The following POMGNT1 variants were observed in gnomAD, a reference collection of about 807,000 sequenced individuals.
POMGNT1 encodes the protein protein O-linked-mannose beta-1,2-N-acetylglucosaminyltransferase 1.
Under a neutral mutation model 95.6 loss-of-function variants are expected in POMGNT1, and 67 were observed. The observed-to-expected ratio is 0.70, with a 90% CI of 0.58 to 0.86. POMGNT1 has a LOEUF of 0.86. Ranked by LOEUF, POMGNT1 falls within the 40% of genes least tolerant of loss-of-function variation. The pLI is 0.00. For missense variants in POMGNT1, 719 were observed against 855.2 expected, an observed-to-expected ratio of 0.84 and a Z score of 1.99; for synonymous variants, 298 against 317.9, an observed-to-expected ratio of 0.94 and a Z score of 0.66.
At chr1:46,200,897 G>A (rs1571677273), upstream of POMGNT1, among the ~76,000 whole-genome samples, 2 of 152,346 alleles carry the variant, frequency 1.3e-5, no homozygotes, top group East Asian at 3.9e-4. Flanking sequence ...GGCACTTTGG[G>A]AGGCCAAGGC....
chr1:46,194,465 C>T (rs918009523), intron 8 of POMGNT1, 64 bp from the exon 9 acceptor site: 2 of 1,614,116 alleles, frequency 1.2e-6, no homozygotes, highest in Middle Eastern at 1.6e-4. Flanking sequence ...GCCCCAGGCA[C>T]ACAATCAAAG....
At chr1:46,190,832 C>G (rs928675968) in intron 17 of POMGNT1, 48 bp from the exon 18 acceptor site, 6 of 1,527,784 alleles carry the variant, frequency 3.9e-6, no homozygotes, top group Non-Finnish European at 4.5e-6. Flanking sequence ...TTGTCTGGCC[C>G]ACACCCACTT....
Position 46,192,385 on chromosome 1 carries a change from T to C in POMGNT1, c.1336A>G (p.Met446Val), listed in dbSNP as rs1268234582. The part of the protein sequence containing the change: ...DPALLYRVET[M>V]PGLGWVLRRS... ...CTGAGCACCCAGCCCAGCCCAGGCA[T>C]GGTCTCCACACGGTACAGTAGTGCT... The change falls in exon 16 of 22, where the codon ATG (methionine) becomes GTG (valine). Residue 446 changes from methionine (M) to valine (V), a missense_variant. Coordinates refer to ENST00000371984, the MANE Select transcript of POMGNT1 (RefSeq NM_017739.4). 5 of 1,614,106 alleles carry C rather than the reference T, an allele frequency of 3.1e-6. No individual in the cohort carries two copies. The African/African-American group carries it at 5.3e-5, about 17-fold the overall frequency.
chr1:46,192,033 A>G (rs1250630724), intron 17 of POMGNT1, 65 bp downstream of exon 17: 12 of 1,541,138 alleles, frequency 7.8e-6, no homozygotes, highest in Non-Finnish European at 9.8e-6. Flanking sequence ...AGATTGCTTC[A>G]GAGTCCATGT....
rs1657546272 is a variant in POMGNT1 at position 46,189,235 on chromosome 1, A to G, written c.*35T>C. ...GAAGGGCTAGCCAGCCTGGGGGTACACAGTACCCAGCCCCGCAGGGTCCTG... is the reference window on the plus strand; with the variant it reads ...GAAGGGCTAGCCAGCCTGGGGGTACGCAGTACCCAGCCCCGCAGGGTCCTG... On this transcript the variant is annotated 3_prime_UTR_variant, in exon 22 of 22. Transcript: ENST00000371984. 6.2e-7 allele frequency: 1 copy of G among 1,600,074 alleles called. No homozygotes were observed. The highest frequency in any genetic ancestry group is 1.3e-5 in the African/African-American group (1 of 74,202).
intron 1 of POMGNT1, among the ~76,000 whole-genome samples, chr1:46,213,660 C>T (rs1453793868): frequency 6.6e-6 from 1 of 152,058 alleles, no homozygotes; most frequent in Non-Finnish European, 1.5e-5. Context: ...TTTGAGGCTA[C>T]AGTGAGCTAT....
intron 1 of POMGNT1, among the ~76,000 whole-genome samples, chr1:46,204,062 G>A (rs760461492): frequency 6.6e-6 from 1 of 152,112 alleles, no homozygotes. Context: ...GCAGTGTTCC[G>A]CACAGAAAAG....
At chr1:46,202,924 T>TGTGG (rs1658589336), upstream of POMGNT1, among the ~76,000 whole-genome samples, 2 of 73,606 alleles carry the variant, frequency 2.7e-5, no homozygotes, top group Non-Finnish European at 5.1e-5. Flanking sequence ...GGGGGTGGTG[T>TGTGG]GTGTGTGTGT....
intron 1 of POMGNT1, among the ~76,000 whole-genome samples, chr1:46,206,004 G>A (rs921966636): frequency 6.6e-6 from 1 of 152,210 alleles, no homozygotes; most frequent in African/African-American, 2.4e-5. Context: ...CGTCCCTCCT[G>A]CTTTCTTCCT....
In POMGNT1 at chr1:46,192,206, CAT is replaced by C. The variant is rs1657829644; in HGVS notation, c.1429_1430del (p.Met477ValfsTer6). 1.9e-6 allele frequency: 3 copies of C among 1,614,238 alleles called. No individual in the cohort carries two copies. The highest frequency in any genetic ancestry group is 2.5e-6 in the Non-Finnish European group (3 of 1,180,040). ...GGCGTTGTTCAGGCATCCGCATCCA[CAT>C]GTCCCAATCCCAGAGCTGGCAGACA... The part of the protein sequence containing the change: ...PTPEKLWDWD[M>X]WMRMPEQRRG... On this transcript the variant is annotated frameshift_variant, in exon 17 of 22. Transcript: ENST00000371984. LOFTEE classifies it high-confidence loss of function.
chr1:46,197,892 C>T, intron 1 of POMGNT1, 21 bp from the exon 2 acceptor site: 2 of 1,607,568 alleles, frequency 1.2e-6, no homozygotes, highest in African/African-American at 1.3e-5. Context: ...CAGAGGGCCA[C>T]ATGGGGTAAG....
upstream of POMGNT1, among the ~76,000 whole-genome samples, chr1:46,200,858 C>T (rs949792012): frequency 1.3e-5 from 2 of 152,208 alleles, no homozygotes; most frequent in African/African-American, 2.4e-5. Context: ...CAAATGTTGC[C>T]GGGTTCGGTG....
At chr1:46,220,143 G>A in exon 1 of POMGNT1, 1 of 1,614,192 alleles carries the variant, frequency 6.2e-7, no homozygotes. Flanking sequence ...TGAGTCACCA[G>A]AGGATGAGAG....
At chr1:46,189,806 G>A (rs1202844704) in intron 20 of POMGNT1, 48 bp downstream of exon 20, 2 of 1,611,694 alleles carry the variant, frequency 1.2e-6, no homozygotes, top group Non-Finnish European at 1.7e-6. Context: ...GGGGCAGTAT[G>A]TGTGTGAGGG....
At chr1:46,189,755 T>C (rs1240414370) in intron 20 of POMGNT1, 99 bp downstream of exon 20, 1 of 1,579,830 alleles carries the variant, frequency 6.3e-7, no homozygotes, top group Non-Finnish European at 8.6e-7. Context: ...AAGAGGAGGT[T>C]CTGAGGTTGA....
chr1:46,220,016 A>G (rs1161234648), exon 1 of POMGNT1: 1 of 1,614,110 alleles, frequency 6.2e-7, no homozygotes, highest in Non-Finnish European at 8.5e-7. Context: ...TGGACTGGGC[A>G]AAAGTTATAG....
chr1:46,197,293 T>G (rs1306018303), intron 2 of POMGNT1: 2 of 1,496,646 alleles, frequency 1.3e-6, no homozygotes, highest in African/African-American at 2.8e-5. Flanking sequence ...CCCCCTCCAT[T>G]AGGGCCCTCC....
intron 1 of POMGNT1, among the ~76,000 whole-genome samples, chr1:46,204,928 C>T (rs1291876133): frequency 1.3e-5 from 2 of 152,214 alleles, no homozygotes; most frequent in Admixed American, 6.5e-5. Context: ...TTCATCTCCA[C>T]AGTAACCCTG....
intron 6 of POMGNT1, 76 bp from the exon 7 acceptor site, chr1:46,195,037 T>A: frequency 7.7e-7 from 1 of 1,298,240 alleles, no homozygotes; most frequent in Non-Finnish European, 1.1e-6. Flanking sequence ...ACGAACTATG[T>A]AGCAACCTTT....
Sources: allele counts gnomAD v4.1 joint callset (sites outside exome capture counted in the v4.1 genomes callset), GRCh38; gene constraint gnomAD v4.1.1; transcripts MANE v1.5; gene names NCBI Gene and HGNC (gene_info 2026-07-23, HGNC 2026-07-21).